FAM20A: variants seen among roughly 807,000 people sequenced by gnomAD.
The protein encoded by FAM20A is FAM20A golgi associated secretory pathway pseudokinase.
In FAM20A, 42 loss-of-function variants were observed where a neutral mutation model predicts 52.0. The observed-to-expected ratio is 0.81, with a 90% CI of 0.63 to 1.04. The LOEUF is 1.04. Among genes scored for constraint, FAM20A ranks in the 50% least tolerant of loss-of-function variants. The pLI is 0.00. For synonymous variants in FAM20A, 304 were observed against 298.9 expected (o/e 1.02, Z -0.18); for missense variants, 742 against 712.7 (o/e 1.04, Z -0.47).
intron 1 of FAM20A, among the ~76,000 whole-genome samples, chr17:68,577,943 TGTG>T (rs1475514750): frequency 1.3e-5 from 2 of 152,294 alleles, no homozygotes; most frequent in South Asian, 2.1e-4. Flanking sequence ...ATGTCATCAT[TGTG>T]GTGCTTTTCA....
At chr17:68,542,268 TCA>T (rs2086334679) in intron 6 of FAM20A, 103 bp from the exon 7 acceptor site, 8 of 1,256,510 alleles carry the variant, frequency 6.4e-6, no homozygotes, top group African/African-American at 1.5e-5. Flanking sequence ...AACCCTGAAC[TCA>T]CAGCTCGGGA....
chr17:68,578,319 G>A (rs1333401877), intron 1 of FAM20A, among the ~76,000 whole-genome samples: 2 of 152,144 alleles, frequency 1.3e-5, no homozygotes, highest in African/African-American at 4.8e-5. Context: ...GTACAATACG[G>A]GGTTAGGCTG....
At chr17:68,560,624 G>A (rs1321281168) in intron 1 of FAM20A, among the ~76,000 whole-genome samples, 1 of 152,172 alleles carries the variant, frequency 6.6e-6, no homozygotes, top group Non-Finnish European at 1.5e-5. Context: ...GTTATGCCGA[G>A]CGATGCTGGG....
At chr17:68,560,865 C>G (rs62087507) in intron 1 of FAM20A, among the ~76,000 whole-genome samples, 1 of 152,176 alleles carries the variant, frequency 6.6e-6, no homozygotes, top group Non-Finnish European at 1.5e-5. Context: ...TGATCCTTGT[C>G]AATCTAATAG....
In FAM20A at chr17:68,600,189, GA is replaced by G; in HGVS notation, c.404+73del. The G allele has an allele frequency of 6.6e-7, 1 of 1,510,358 alleles. No homozygotes were observed. The highest frequency in any genetic ancestry group is 8.9e-7 in the Non-Finnish European group (1 of 1,126,378). The allele number at this position is 1,510,358 out of a possible 1,614,324, so 93.6% of individuals were successfully genotyped here. On this transcript the variant is annotated intron_variant, in intron 1 of 10. Coordinates refer to ENST00000592554, the MANE Select transcript of FAM20A (RefSeq NM_017565.4). The surrounding 1 kb of genome is among the most constrained non-coding windows in gnomAD (Gnocchi z 6.2). ...TGCAGCCCTGGGCCGGGGGCGTCAG[GA>G]AACTCGAGACTGGGGCGCGGGGAGG...
At chr17:68,582,152 G>A (rs1269777764) in intron 1 of FAM20A, among the ~76,000 whole-genome samples, 1 of 152,170 alleles carries the variant, frequency 6.6e-6, no homozygotes, top group Admixed American at 6.5e-5. Context: ...AAAAGAAAAA[G>A]AGTTGTTCCT....
chr17:68,535,293 T>G lies in FAM20A; in HGVS notation c.*2184A>C, dbSNP rs1316238998. 2.2e-6 allele frequency: 1 copy of G among 454,116 alleles called. No individual in the cohort carries two copies. The highest frequency in any genetic ancestry group is 2.0e-5 in the African/African-American group (1 of 50,124). The allele number at this position is 454,116 out of a possible 1,614,324, so 28.1% of individuals were successfully genotyped here. ...AAAGATAAGTGAATAATAAGGTAGG[T>G]GTACCACATATCATGGTGAAATTCA... is the stretch of plus-strand genomic sequence containing the variant. On this transcript the variant is annotated 3_prime_UTR_variant, in exon 11 of 11. Coordinates refer to ENST00000592554, the MANE Select transcript of FAM20A (RefSeq NM_017565.4).
intron 1 of FAM20A, among the ~76,000 whole-genome samples, chr17:68,583,688 G>A (rs368395769): frequency 2.0e-5 from 3 of 151,712 alleles, no homozygotes; most frequent in Non-Finnish European, 2.9e-5. Flanking sequence ...AGGCCAAGGC[G>A]GGCAGATCAT....
chr17:68,535,669 A>ATTTTTTTTTTTT lies in FAM20A; in HGVS notation c.*1796_*1807dup. The stretch of plus-strand genomic sequence containing the variant: ...TGTTAAAGAGTTGATTTAAAAAAAA[A>ATTTTTTTTTTTT]TTTTTTTTTTTTTGTATTTTTTTGT... On this transcript the variant is annotated 3_prime_UTR_variant, in exon 11 of 11. Coordinates refer to ENST00000592554, the MANE Select transcript of FAM20A (RefSeq NM_017565.4). The ATTTTTTTTTTTT allele has an allele frequency of 2.7e-6, 1 of 370,570 alleles. No homozygotes were observed. Among genetic ancestry groups the ATTTTTTTTTTTT allele is most frequent in the Non-Finnish European group, 5.4e-6 (1 of 186,532 alleles). 23.0% of individuals were successfully genotyped at this position (370,570 alleles called of 1,614,324 possible).
intron 5 of FAM20A, among the ~76,000 whole-genome samples, chr17:68,543,244 C>T (rs1384071819): frequency 6.6e-6 from 1 of 152,056 alleles, no homozygotes; most frequent in African/African-American, 2.4e-5. Context: ...GTAGCAATGA[C>T]TGAGCAAATA....
At chr17:68,585,431 C>T (rs1180712928) in intron 1 of FAM20A, among the ~76,000 whole-genome samples, 1 of 148,138 alleles carries the variant, frequency 6.8e-6, no homozygotes, top group Non-Finnish European at 1.5e-5. Flanking sequence ...TGTTTTTCCA[C>T]CAATACCATG....
intron 6 of FAM20A, 120 bp from the exon 7 acceptor site, chr17:68,542,285 A>AAAG (rs554192643): frequency 2.0e-5 from 22 of 1,077,932 alleles, no homozygotes; most frequent in Non-Finnish European, 3.0e-5. Flanking sequence ...TCGGGAAGAG[A>AAAG]AAGAAGAAGA....
At chr17:68,541,713 C>A in intron 7 of FAM20A, 1 of 382,142 alleles carries the variant, frequency 2.6e-6, no homozygotes, top group Non-Finnish European at 4.8e-6. Context: ...CCCCACTAGA[C>A]CAAGGAGCTT....
At chr17:68,568,325 A>C (rs1293662603) in intron 1 of FAM20A, among the ~76,000 whole-genome samples, 1 of 151,536 alleles carries the variant, frequency 6.6e-6, no homozygotes, top group Non-Finnish European at 1.5e-5. Context: ...AAAATTAGCT[A>C]GGCGTGGTGG....
At chr17:68,561,991 G>A (rs2087228222) in intron 1 of FAM20A, among the ~76,000 whole-genome samples, 1 of 152,070 alleles carries the variant, frequency 6.6e-6, no homozygotes, top group Admixed American at 6.5e-5. Context: ...ACCTGGCTAA[G>A]TTTTGTTTTT....
At chr17:68,598,097 G>A (rs1427353172) in intron 1 of FAM20A, 1 of 148,854 alleles carries the variant, frequency 6.7e-6, no homozygotes, top group Non-Finnish European at 1.5e-5. Flanking sequence ...TCAACCTTCT[G>A]GGCTCAAGCA....
Position 68,537,063 on chromosome 17 carries a change from G to T in FAM20A, c.*414C>A. On this transcript the variant is annotated 3_prime_UTR_variant, in exon 11 of 11. Coordinates refer to ENST00000592554, the MANE Select transcript of FAM20A (RefSeq NM_017565.4). The surrounding 1 kb of genome is among the most constrained non-coding windows in gnomAD (Gnocchi z 4.2). ...CAGCTTGTGATAGGCCAGGTGTTTTGTCTGGACCAGGAGTTATCTTTGACT... is the reference window on the plus strand; with the variant it reads ...CAGCTTGTGATAGGCCAGGTGTTTTTTCTGGACCAGGAGTTATCTTTGACT... 1 of 457,942 alleles carries T rather than the reference G, an allele frequency of 2.2e-6. No homozygotes were observed. The highest frequency in any genetic ancestry group is 1.6e-5 in the South Asian group (1 of 64,510). 28.4% of individuals were successfully genotyped at this position (457,942 alleles called of 1,614,324 possible). A position where few individuals can be genotyped will look rare whatever the true frequency, so the allele number is the denominator to read the frequency against.
intron 1 of FAM20A, among the ~76,000 whole-genome samples, chr17:68,589,176 C>G (rs1292967848): frequency 6.6e-6 from 1 of 152,214 alleles, no homozygotes; most frequent in East Asian, 1.9e-4. Flanking sequence ...TCTGCATTAG[C>G]CTCCTGGAGA....
chr17:68,546,021 T>G (rs992734194), intron 4 of FAM20A, among the ~76,000 whole-genome samples: 4 of 151,750 alleles, frequency 2.6e-5, no homozygotes, highest in African/African-American at 9.7e-5. Context: ...TACAAAAAAT[T>G]AGCCAGGCAT....
Sources: gnomAD v4.1 joint callset for allele counts (sites outside exome capture counted in the v4.1 genomes callset) on GRCh38, gnomAD v4.1.1 for gene constraint, Gnocchi (gnomAD v3.1) non-coding constraint, MANE v1.5 for transcripts, NCBI Gene and HGNC (gene_info 2026-07-23, HGNC 2026-07-21) for gene names.